The following ADGRA3 variants were observed in gnomAD, a reference collection of about 807,000 sequenced individuals.
The protein encoded by ADGRA3 is adhesion G protein-coupled receptor A3.
Under a neutral mutation model 119.8 loss-of-function variants are expected in ADGRA3, and 56 were observed. The ratio of observed to expected loss-of-function variants is 0.47; its 90% CI spans 0.38 to 0.58. ADGRA3 has a LOEUF of 0.58. Among genes scored for constraint, ADGRA3 ranks in the 20% least tolerant of loss-of-function variants. ADGRA3 has a pLI of 0.00. For missense variants in ADGRA3, 1,516 were observed against 1,649.0 expected (o/e 0.92, Z 1.40); for synonymous variants, 607 against 623.8 (o/e 0.97, Z 0.40).
chr4:22,388,767 G>C lies in ADGRA3; in HGVS notation c.2904C>G (p.Gly968=). ...EQQRLAANEN[G]EINHQDSMSL... is the part of the protein sequence containing the mutation. ...ACATTGAATCCTGATGATTTATTTCGCCATTTTCATTGGCTGCCAATCTCT... is the reference window on the plus strand; with the variant it reads ...ACATTGAATCCTGATGATTTATTTCCCCATTTTCATTGGCTGCCAATCTCT... The change falls in exon 19 of 19, where the codon GGC becomes GGG. Residue 968 remains glycine, a synonymous_variant. Coordinates refer to ENST00000334304, the MANE Select transcript of ADGRA3 (RefSeq NM_145290.4). The C allele has an allele frequency of 6.2e-7, 1 of 1,613,920 alleles. No homozygotes were observed. Among genetic ancestry groups the C allele is most frequent in the Non-Finnish European group, 8.5e-7 (1 of 1,179,880 alleles).
intron 3 of ADGRA3, among the ~76,000 whole-genome samples, chr4:22,456,321 TGGTGCGGGA>T (rs1471074006): frequency 2.6e-5 from 4 of 152,068 alleles, no homozygotes; most frequent in African/African-American, 9.7e-5. Context: ...CAGGGGAGAT[TGGTGCGGGA>T]GTCAGTGGAC....
chr4:22,493,043 C>A lies in ADGRA3; in HGVS notation c.258-19200G>T, dbSNP rs116421265. Among the ~76,000 whole-genome samples the A allele has an allele frequency of 3.2e-3, 494 of 152,250 alleles. 2 individuals carry two copies. The highest frequency in any genetic ancestry group is 0.011 in the African/African-American group (467 of 41,540). On this transcript the variant is annotated intron_variant, in intron 1 of 18. Transcript: ENST00000334304. ...GCAGAGGCACAATCACAGCTCACTG[C>A]AACCTCCAATCCCTGTGATCAAGAA...
chr4:22,450,669 C>G (rs1717002931), intron 4 of ADGRA3, among the ~76,000 whole-genome samples: 1 of 151,960 alleles, frequency 6.6e-6, no homozygotes, highest in African/African-American at 2.4e-5. Context: ...GATACATCAT[C>G]TATTATACAG....
chr4:22,394,138 G>GA (rs759394618), intron 16 of ADGRA3: 18 of 152,036 alleles, frequency 1.2e-4, no homozygotes, highest in South Asian at 2.1e-4. Flanking sequence ...GAAATTCCAA[G>GA]AAAAAATCTG....
intron 3 of ADGRA3, among the ~76,000 whole-genome samples, chr4:22,459,728 A>G (rs1464060905): frequency 6.6e-6 from 1 of 152,136 alleles, no homozygotes; most frequent in Non-Finnish European, 1.5e-5. Flanking sequence ...CACAGAGCCC[A>G]CCAAAAGGAT....
rs577160569 is a variant in ADGRA3 at position 22,439,469 on chromosome 4, A to T, written c.921-1049T>A. On this transcript the variant is annotated intron_variant, in intron 7 of 18. Transcript: ENST00000334304. ...CTGTTATGTAGACACAAATGATAAG[A>T]AATAATTAGACAGAAAGTATGTATC... 1.1e-4 allele frequency among the ~76,000 whole-genome samples: 17 copies of T among 152,328 alleles called. No individual in the cohort carries two copies. The South Asian group carries it at 3.5e-3, about 32-fold the overall frequency.
rs147605042 is a variant in ADGRA3 at position 22,400,404 on chromosome 4, G to A, written c.2481+1027C>T. ...ATCATATTCACCAACATAGATGAACGTTGAAACATTATGCTAAATGAAATA... is the reference window on the plus strand; with the variant it reads ...ATCATATTCACCAACATAGATGAACATTGAAACATTATGCTAAATGAAATA... On this transcript the variant is annotated intron_variant, in intron 16 of 18. Coordinates refer to ENST00000334304, the MANE Select transcript of ADGRA3 (RefSeq NM_145290.4). 6.2e-4 allele frequency among the ~76,000 whole-genome samples: 95 copies of A among 152,186 alleles called. 1 individual carries two copies. Among genetic ancestry groups the A allele is most frequent in the African/African-American group, 1.9e-3 (79 of 41,544 alleles).
At chr4:22,497,974 C>T (rs1309677035) in intron 1 of ADGRA3, among the ~76,000 whole-genome samples, 1 of 148,866 alleles carries the variant, frequency 6.7e-6, no homozygotes, top group African/African-American at 2.5e-5. Context: ...GGGACAGTGG[C>T]TCACAGCTGT....
In ADGRA3 at chr4:22,388,410, G is replaced by A; in HGVS notation, c.3261C>T (p.Pro1087=). ...ACTCCGCACTGCTATTGGGGCATTT[G>A]GGTGCCTCTCCATTCGTCCCATTAG... The part of the protein sequence containing the change: ...PNSNGTNGEA[P]KCPNSSAESS... The change falls in exon 19 of 19, where the codon CCC becomes CCT. Residue 1087 remains proline, a synonymous_variant. Coordinates refer to ENST00000334304, the MANE Select transcript of ADGRA3 (RefSeq NM_145290.4). 1 of 1,614,006 alleles carries A rather than the reference G, an allele frequency of 6.2e-7. No individual in the cohort carries two copies. Among genetic ancestry groups the A allele is most frequent in the Non-Finnish European group, 8.5e-7 (1 of 1,180,002 alleles).
intron 4 of ADGRA3, among the ~76,000 whole-genome samples, chr4:22,451,765 G>A (rs962138254): frequency 1.2e-4 from 19 of 152,254 alleles, no homozygotes; most frequent in African/African-American, 4.1e-4. Context: ...CAGAGGAAAC[G>A]GCTAGAACAG....
chr4:22,506,525 C>T (rs1162382865), intron 1 of ADGRA3, among the ~76,000 whole-genome samples: 1 of 152,170 alleles, frequency 6.6e-6, no homozygotes, highest in East Asian at 1.9e-4. Flanking sequence ...TGCACTCCAG[C>T]CTGGGTGACA....
chr4:22,399,881 G>A (rs888543680), intron 16 of ADGRA3, among the ~76,000 whole-genome samples: 1 of 152,038 alleles, frequency 6.6e-6, no homozygotes, highest in African/African-American at 2.4e-5. Flanking sequence ...ATCTTAAAAG[G>A]AATGGTCATC....
chr4:22,412,328 G>A (rs531289864), intron 14 of ADGRA3, among the ~76,000 whole-genome samples: 7 of 152,072 alleles, frequency 4.6e-5, no homozygotes, highest in East Asian at 3.9e-4. Flanking sequence ...CTGCTCAGAC[G>A]TCAGATTCAC....
At position 22,413,252 on chromosome 4, in the gene ADGRA3, T is replaced by C. The variant is rs561661155; in HGVS notation, c.2162A>G (p.His721Arg). Reference sequence around the variant, plus strand: ...GATATTTTCATCTGAATAGAGTATATGGCACCCATCTGACTTCCAGCCTCC... The same window carrying C: ...GATATTTTCATCTGAATAGAGTATACGGCACCCATCTGACTTCCAGCCTCC... ...GQGGWKSDGC[H>R]ILYSDENITT... is the part of the protein sequence containing the mutation. The change falls in exon 14 of 19, where the codon CAT becomes CGT. Residue 721 changes from histidine (H) to arginine (R), a missense_variant. By Grantham distance (29) the His-to-Arg change is conservative. Coordinates refer to ENST00000334304, the MANE Select transcript of ADGRA3 (RefSeq NM_145290.4). 1.9e-6 allele frequency: 3 copies of C among 1,614,152 alleles called. No homozygotes were observed. The highest frequency in any genetic ancestry group is 1.1e-5 in the South Asian group (1 of 91,090).
At chr4:22,450,285 A>G (rs1716987879) in intron 4 of ADGRA3, among the ~76,000 whole-genome samples, 2 of 148,172 alleles carry the variant, frequency 1.3e-5, no homozygotes, top group South Asian at 4.3e-4. Flanking sequence ...TTTTTTTGAG[A>G]CAAGTCTCAC....
intron 12 of ADGRA3, among the ~76,000 whole-genome samples, chr4:22,418,746 A>G (rs1490273709): frequency 2.6e-5 from 4 of 152,092 alleles, no homozygotes; most frequent in African/African-American, 9.7e-5. Context: ...TGGCACAGGC[A>G]TTGACAATCA....
At chr4:22,450,390 G>A (rs1716990964) in intron 4 of ADGRA3, among the ~76,000 whole-genome samples, 1 of 151,450 alleles carries the variant, frequency 6.6e-6, no homozygotes, top group Non-Finnish European at 1.5e-5. Flanking sequence ...CTCAGCCTCC[G>A]GAGTAGCTGG....
intron 1 of ADGRA3, among the ~76,000 whole-genome samples, chr4:22,483,807 C>T (rs780983767): frequency 5.9e-5 from 9 of 152,102 alleles, no homozygotes; most frequent in East Asian, 1.9e-4. Flanking sequence ...GCATATGCTA[C>T]GACAGTCAGC....
intron 7 of ADGRA3, among the ~76,000 whole-genome samples, chr4:22,441,696 T>C (rs1716620861): frequency 6.6e-6 from 1 of 152,010 alleles, no homozygotes; most frequent in Non-Finnish European, 1.5e-5. Context: ...ATATGAACCA[T>C]ATTTAAAAGA....
Sources: gnomAD v4.1 joint callset for allele counts (sites outside exome capture counted in the v4.1 genomes callset) on GRCh38, gnomAD v4.1.1 for gene constraint, MANE v1.5 for transcripts, NCBI Gene and HGNC (gene_info 2026-07-23, HGNC 2026-07-21) for gene names.